The following UMAD1 variants were observed in gnomAD, a reference collection of about 807,000 sequenced individuals.
UMAD1 encodes UBAP1-MVB12-associated (UMA)-domain containing protein 1.
Under a neutral mutation model 6.1 loss-of-function variants are expected in UMAD1, and 8 were observed. The ratio of observed to expected loss-of-function variants is 1.30; its 90% confidence interval spans 0.76 to 2.35. The LOEUF (loss-of-function observed/expected upper bound fraction) is 2.35. Among genes scored for constraint, UMAD1 ranks in the 30% most tolerant of loss-of-function variants. UMAD1 has a pLI of 0.00. For synonymous variants in UMAD1, 56 were observed against 31.4 expected (o/e 1.78, Z -2.61); for missense variants, 130 against 78.4 (o/e 1.66, Z -2.49).
chr7:7,877,376 G>A lies in UMAD1; in HGVS notation c.252G>A (p.Glu84=), dbSNP rs1239355506. ...TGGAGAACAGCTCATTAATGGCCGA[G>A]CTCCTGAGCGATGTGCCGTTCACCC... is the stretch of plus-strand genomic sequence containing the variant. ...QTLENSSLMA[E]LLSDVPFTLA... Residue 84 remains glutamate, a synonymous_variant, in exon 4 of 4, where the codon GAG becomes GAA. Coordinates refer to ENST00000682710, the MANE Select transcript of UMAD1 (RefSeq NM_001302348.2). The A allele has an allele frequency of 1.4e-6, 1 of 717,434 alleles. No homozygotes were observed. Among genetic ancestry groups the A allele is most frequent in the Non-Finnish European group, 2.6e-6 (1 of 385,120 alleles). 44.4% of individuals were successfully genotyped at this position (717,434 alleles called of 1,614,324 possible).
intron 3 of UMAD1, among the ~76,000 whole-genome samples, chr7:7,872,007 G>A (rs937205155): frequency 1.4e-4 from 21 of 151,616 alleles, no homozygotes; most frequent in African/African-American, 3.6e-4. Flanking sequence ...TCTCCCCTCC[G>A]CAGTTCCATG....
chr7:7,846,252 G>C (rs931433066), intron 3 of UMAD1, among the ~76,000 whole-genome samples: 2 of 152,092 alleles, frequency 1.3e-5, no homozygotes, highest in Non-Finnish European at 2.9e-5. Flanking sequence ...ATATCTCATA[G>C]TGTCCATTTT....
chr7:7,750,597 C>G (rs1781659972), intron 2 of UMAD1, among the ~76,000 whole-genome samples: 1 of 152,166 alleles, frequency 6.6e-6, no homozygotes, highest in Admixed American at 6.5e-5. Context: ...ATATACAACA[C>G]TACTGTGTGT....
At chr7:7,778,148 C>T (rs1047243027) in intron 2 of UMAD1, among the ~76,000 whole-genome samples, 3 of 151,618 alleles carry the variant, frequency 2.0e-5, no homozygotes, top group African/African-American at 7.3e-5. Flanking sequence ...GCTTTTTGTA[C>T]ATATGACAAA....
At chr7:7,724,486 A>C (rs372391540) in intron 2 of UMAD1, among the ~76,000 whole-genome samples, 18 of 152,316 alleles carry the variant, frequency 1.2e-4, no homozygotes, top group Non-Finnish European at 1.8e-4. Context: ...AAGCTATTAG[A>C]GATGCCTCTA....
intron 3 of UMAD1, among the ~76,000 whole-genome samples, chr7:7,867,431 C>T (rs1384066902): frequency 2.0e-5 from 3 of 152,084 alleles, no homozygotes; most frequent in Non-Finnish European, 4.4e-5. Context: ...TAAAGAACAC[C>T]ATCACTTGAG....
At position 7,841,314 on chromosome 7, in the gene UMAD1, CT is replaced by C. The variant is rs35468754; in HGVS notation, c.157-35949del. Among the ~76,000 whole-genome samples, 682 of 136,724 alleles carry C rather than the reference CT, an allele frequency of 5.0e-3. 4 individuals are homozygous for C. The highest frequency in any genetic ancestry group is 0.011 in the African/African-American group (398 of 36,972). The allele number at this position is 136,724 out of a possible 152,430, so 89.7% of individuals were successfully genotyped here. A position where few individuals can be genotyped will look rare whatever the true frequency, so the allele number is the denominator to read the frequency against. ...ACGAACTGTCAATATAACAAGTGAT[CT>C]TTTTTTTTTTTTTTTTTGAGGCCAG... is the stretch of plus-strand genomic sequence containing the variant. On this transcript the variant is annotated intron_variant, in intron 3 of 3. Transcript: ENST00000682710.
chr7:7,659,352 G>C (rs1785419931), intron 1 of UMAD1, among the ~76,000 whole-genome samples: 1 of 151,934 alleles, frequency 6.6e-6, no homozygotes, highest in South Asian at 2.1e-4. Context: ...GCTAGCTTTT[G>C]AATTTGTTTG....
chr7:7,814,550 T>C (rs1246399536), intron 3 of UMAD1, among the ~76,000 whole-genome samples: 1 of 152,180 alleles, frequency 6.6e-6, no homozygotes, highest in Non-Finnish European at 1.5e-5. Context: ...GTCTTTTTAG[T>C]TGCCTCATTC....
intron 3 of UMAD1, among the ~76,000 whole-genome samples, chr7:7,840,881 G>A (rs1292852960): frequency 3.9e-5 from 6 of 152,148 alleles, no homozygotes; most frequent in African/African-American, 1.4e-4. Context: ...GTGAAGCTTG[G>A]AGGAGTTGTA....
At chr7:7,702,016 A>G (rs1780475357) in intron 2 of UMAD1, among the ~76,000 whole-genome samples, 2 of 152,222 alleles carry the variant, frequency 1.3e-5, no homozygotes, top group African/African-American at 4.8e-5. Context: ...GTAGAACTGA[A>G]ATTCATATTG....
chr7:7,789,779 A>G (rs1028262158), intron 2 of UMAD1, among the ~76,000 whole-genome samples: 8 of 152,222 alleles, frequency 5.3e-5, no homozygotes, highest in African/African-American at 1.7e-4. Flanking sequence ...TGTAGCATGT[A>G]TCAATTTCCC....
intron 3 of UMAD1, among the ~76,000 whole-genome samples, chr7:7,835,213 A>G (rs1293654450): frequency 6.6e-6 from 1 of 151,992 alleles, no homozygotes; most frequent in East Asian, 1.9e-4. Flanking sequence ...TTCTGTCTGT[A>G]TTTCTGCTTT....
At chr7:7,699,054 G>A (rs996925758) in intron 2 of UMAD1, among the ~76,000 whole-genome samples, 12 of 150,686 alleles carry the variant, frequency 8.0e-5, no homozygotes, top group African/African-American at 2.2e-4. Flanking sequence ...GTGTGTGGGG[G>A]GGGGGTAGAT....
rs1783439096 is a variant in UMAD1, at chr7:7,830,368, A to T, written c.156+28625A>T. Among the ~76,000 whole-genome samples, 1 of 152,094 alleles carries T rather than the reference A, an allele frequency of 6.6e-6. No homozygotes were observed. The highest frequency in any genetic ancestry group is 2.1e-4 in the South Asian group (1 of 4,834). ...CCTAGAATGTGACTGTTTGCCCTGGAGCCTTTCCAGGTTCTCCCATCAGAA... is the reference window on the plus strand; with the variant it reads ...CCTAGAATGTGACTGTTTGCCCTGGTGCCTTTCCAGGTTCTCCCATCAGAA... On this transcript the variant is annotated intron_variant, in intron 3 of 3. Coordinates refer to ENST00000682710, the MANE Select transcript of UMAD1 (RefSeq NM_001302348.2). This position sits in a 1 kb window ranked among gnomAD's most constrained non-coding sequence, Gnocchi z 5.3.
intron 2 of UMAD1, among the ~76,000 whole-genome samples, chr7:7,793,655 G>A (rs1170496473): frequency 6.6e-6 from 1 of 152,148 alleles, no homozygotes; most frequent in Admixed American, 6.5e-5. Context: ...CATACTGCTA[G>A]TCTGCCCCAA....
At chr7:7,666,980 A>T (rs1372907631) in intron 1 of UMAD1, among the ~76,000 whole-genome samples, 1 of 151,942 alleles carries the variant, frequency 6.6e-6, no homozygotes, top group Non-Finnish European at 1.5e-5. Flanking sequence ...GCTAATTTTT[A>T]TATTATTAGT....
Sources: gnomAD v4.1 joint callset for allele counts (sites outside exome capture counted in the v4.1 genomes callset) on GRCh38, gnomAD v4.1.1 for gene constraint, Gnocchi (gnomAD v3.1) non-coding constraint, MANE v1.5 for transcripts, NCBI Gene and HGNC (gene_info 2026-07-23, HGNC 2026-07-21) for gene names.